The following GRIK2 variants were observed in gnomAD, a reference collection of about 807,000 sequenced individuals.
GRIK2 encodes the protein glutamate receptor ionotropic, kainate 2.
In GRIK2, 32 loss-of-function variants were observed where a neutral mutation model predicts 100.3. That is an observed-to-expected ratio of 0.32 (90% CI 0.24 to 0.43). The LOEUF (loss-of-function observed/expected upper bound fraction) is 0.43. Ranked by LOEUF, GRIK2 falls within the 20% of genes least tolerant of loss-of-function variation. The pLI, the probability that GRIK2 is intolerant of heterozygous loss-of-function variation, is 1.00. For synonymous variants in GRIK2, 417 were observed against 389.4 expected (o/e 1.07, Z -0.83); for missense variants, 843 against 1,114.9 (o/e 0.76, Z 3.47).
intron 14 of GRIK2, among the ~76,000 whole-genome samples, chr6:101,951,162 A>G (rs1791582557): frequency 6.6e-6 from 1 of 152,244 alleles, no homozygotes; most frequent in East Asian, 1.9e-4. Context: ...CTGGAAATAC[A>G]TAATCTTTAA....
rs755552804 is a variant in GRIK2 at position 101,448,715 on chromosome 6, T to C, written c.115+49323T>C. Among the ~76,000 whole-genome samples, 4 of 151,560 alleles carry C rather than the reference T, an allele frequency of 2.6e-5. No individual in the cohort carries two copies. In the East Asian group the frequency reaches 5.8e-4, roughly 22 times the overall value. On this transcript the variant is annotated intron_variant, in intron 2 of 16. Coordinates refer to ENST00000369134, the MANE Select transcript of GRIK2 (RefSeq NM_021956.5). Reference sequence around the variant, plus strand: ...AAAGATTGGCAAGAAGTCACAGATATAGCCTGAGAGAAAGGAACAGACACA... The same window carrying C: ...AAAGATTGGCAAGAAGTCACAGATACAGCCTGAGAGAAAGGAACAGACACA...
chr6:101,688,538 G>C (rs1163211639), intron 7 of GRIK2, among the ~76,000 whole-genome samples: 1 of 151,868 alleles, frequency 6.6e-6, no homozygotes. Flanking sequence ...AAAAGAGAGA[G>C]GATATTAGGA....
chr6:101,464,941 T>C (rs536993512), intron 2 of GRIK2, among the ~76,000 whole-genome samples: 20 of 152,176 alleles, frequency 1.3e-4, no homozygotes, highest in Non-Finnish European at 2.4e-4. Context: ...AGATTAATAT[T>C]CTTTCTAAGT....
At chr6:101,406,209 T>C (rs763823042) in intron 2 of GRIK2, among the ~76,000 whole-genome samples, 1 of 152,134 alleles carries the variant, frequency 6.6e-6, no homozygotes, top group Non-Finnish European at 1.5e-5. Context: ...TCTAAAAACT[T>C]TTCTGCAGGA....
At chr6:101,957,251 G>A (rs185338688) in intron 14 of GRIK2, among the ~76,000 whole-genome samples, 8 of 80,876 alleles carry the variant, frequency 9.9e-5, no homozygotes, top group South Asian at 5.7e-4. Flanking sequence ...AATTTGTGCC[G>A]TTGAACATTT....
intron 2 of GRIK2, among the ~76,000 whole-genome samples, chr6:101,522,319 TC>T (rs1159433164): frequency 3.3e-5 from 5 of 152,098 alleles, no homozygotes; most frequent in Non-Finnish European, 7.4e-5. Context: ...TCCTTTTGAG[TC>T]TCTGTGTATT....
chr6:101,881,744 C>T (rs1367917754), intron 11 of GRIK2, among the ~76,000 whole-genome samples: 1 of 151,354 alleles, frequency 6.6e-6, no homozygotes, highest in Admixed American at 6.6e-5. Context: ...TCTGACCTAC[C>T]CAAGAGGTTG....
chr6:101,971,845 G>A (rs1375355226), intron 14 of GRIK2, among the ~76,000 whole-genome samples: 1 of 151,952 alleles, frequency 6.6e-6, no homozygotes, highest in African/African-American at 2.4e-5. Flanking sequence ...AGAACATACA[G>A]TATTTGGCCT....
rs3029099 is a variant in GRIK2, at chr6:101,963,278, A to ATTTTTTT, written c.2085+34677_2085+34683dup. Among the ~76,000 whole-genome samples, 45 of 27,842 alleles carry ATTTTTTT rather than the reference A, an allele frequency of 1.6e-3. 20 individuals carry two copies. The highest frequency in any genetic ancestry group is 2.7e-3 in the South Asian group (2 of 734). 18.3% of individuals were successfully genotyped at this position (27,842 alleles called of 152,430 possible). A position where few individuals can be genotyped will look rare whatever the true frequency, so the allele number is the denominator to read the frequency against. On this transcript the variant is annotated intron_variant, in intron 14 of 16. Transcript: ENST00000369134. ...TATTTCATATTTATACTTATTTAGGATTTTTTTTTTTTTTTTTTTTTTTTT... is the reference window on the plus strand; with the variant it reads ...TATTTCATATTTATACTTATTTAGGATTTTTTTTTTTTTTTTTTTTTTTTTTTTTTTT...
chr6:101,655,285 T>C (rs955790857), intron 4 of GRIK2, among the ~76,000 whole-genome samples: 4 of 152,132 alleles, frequency 2.6e-5, no homozygotes, highest in Admixed American at 6.5e-5. Flanking sequence ...GAGTAAGAAT[T>C]TTTTGTAGAA....
chr6:101,536,430 C>T (rs945430108), intron 2 of GRIK2, among the ~76,000 whole-genome samples: 1 of 151,492 alleles, frequency 6.6e-6, no homozygotes, highest in African/African-American at 2.4e-5. Flanking sequence ...TCTCCAGACA[C>T]AAAATCTAAG....
intron 10 of GRIK2, among the ~76,000 whole-genome samples, chr6:101,821,422 G>C (rs2039853): frequency 0.27 from 41,081 of 151,846 alleles, 7,484 homozygotes; most frequent in East Asian, 0.67. Context: ...TGGACACTTT[G>C]ATTTTTTTAA....
chr6:101,573,217 C>T (rs566577194), intron 2 of GRIK2, among the ~76,000 whole-genome samples: 21 of 152,176 alleles, frequency 1.4e-4, no homozygotes, highest in African/African-American at 5.1e-4. Context: ...GTGTTGCCTA[C>T]TACAAGTTTT....
At chr6:102,039,402 G>A (rs925021670) in intron 15 of GRIK2, among the ~76,000 whole-genome samples, 6 of 151,436 alleles carry the variant, frequency 4.0e-5, no homozygotes, top group African/African-American at 1.5e-4. Context: ...GAAGTTGCAG[G>A]AGACCTTACT....
chr6:101,507,453 G>T (rs1774082654), intron 2 of GRIK2, among the ~76,000 whole-genome samples: 1 of 151,864 alleles, frequency 6.6e-6, no homozygotes, highest in Non-Finnish European at 1.5e-5. Context: ...CAGGGATTCA[G>T]GCTACGTTTC....
chr6:101,694,521 A>G (rs1245802856), intron 7 of GRIK2, among the ~76,000 whole-genome samples: 2 of 152,138 alleles, frequency 1.3e-5, no homozygotes, highest in South Asian at 4.1e-4. Flanking sequence ...TGAAATTATT[A>G]AAGAAGAGAG....
chr6:101,818,351 T>A lies in GRIK2; in HGVS notation c.1204-19T>A, dbSNP rs762797067. The A allele has an allele frequency of 3.6e-6, 5 of 1,373,372 alleles. No individual in the cohort carries two copies. The South Asian group carries it at 5.8e-5, about 16-fold the overall frequency. The allele number at this position is 1,373,372 out of a possible 1,614,324, so 85.1% of individuals were successfully genotyped here. A position where few individuals can be genotyped will look rare whatever the true frequency, so the allele number is the denominator to read the frequency against. ...CGTGCCTGATGGACAATTTACAAAG[T>A]ACATATGCTATTTTATAGATTGGAA... On this transcript the variant is annotated intron_variant, in intron 9 of 16. Transcript: ENST00000369134.
chr6:101,793,993 T>C (rs1439856759), intron 7 of GRIK2, among the ~76,000 whole-genome samples: 6 of 152,168 alleles, frequency 3.9e-5, no homozygotes, highest in African/African-American at 1.4e-4. Flanking sequence ...CGAGACTCCA[T>C]GGGCGTAGGA....
chr6:101,478,142 A>G (rs913755275), intron 2 of GRIK2, among the ~76,000 whole-genome samples: 1 of 152,202 alleles, frequency 6.6e-6, no homozygotes, highest in African/African-American at 2.4e-5. Context: ...TTAATTTATT[A>G]ACAATTAGGA....
Sources: allele counts gnomAD v4.1 joint callset (sites outside exome capture counted in the v4.1 genomes callset), GRCh38; gene constraint gnomAD v4.1.1; transcripts MANE v1.5; gene names NCBI Gene and HGNC (gene_info 2026-07-23, HGNC 2026-07-21).